MSRA: variants seen among roughly 807,000 people sequenced by gnomAD.
MSRA encodes methionine sulfoxide reductase A.
MSRA carries 54 observed loss-of-function variants against 31.3 expected under a neutral mutation model. The observed-to-expected ratio is 1.73, with a 90% CI of 1.39 to 2.17. The LOEUF (loss-of-function observed/expected upper bound fraction) is 2.17. Among genes scored for constraint, MSRA ranks in the 30% most tolerant of loss-of-function variants. The pLI is 0.00. For missense variants in MSRA, 507 were observed against 300.9 expected (o/e 1.69, Z -5.07); for synonymous variants, 169 against 116.5 (o/e 1.45, Z -2.90).
chr8:10,390,476 C>A (rs983192896), intron 5 of MSRA, among the ~76,000 whole-genome samples: 1 of 152,206 alleles, frequency 6.6e-6, no homozygotes, highest in Non-Finnish European at 1.5e-5. Context: ...CACTCCCACC[C>A]GTGTCCCCGC....
chr8:10,150,151 C>T (rs577678739), intron 1 of MSRA, among the ~76,000 whole-genome samples: 30 of 151,990 alleles, frequency 2.0e-4, no homozygotes, highest in East Asian at 1.6e-3. Flanking sequence ...AGGGGGTAAT[C>T]GGCAGTGAGG....
chr8:10,062,141 C>G (rs913829567), intron 1 of MSRA, among the ~76,000 whole-genome samples: 2 of 152,190 alleles, frequency 1.3e-5, no homozygotes, highest in African/African-American at 4.8e-5. Flanking sequence ...AGCCTCTTTG[C>G]TAAGCTTGGT....
intron 1 of MSRA, among the ~76,000 whole-genome samples, chr8:10,112,363 A>C (rs1476373090): frequency 6.6e-6 from 1 of 152,242 alleles, no homozygotes; most frequent in Non-Finnish European, 1.5e-5. Context: ...TTGGTAAATG[A>C]GATATAGAAG....
chr8:10,376,127 G>C (rs1204584635), intron 5 of MSRA, among the ~76,000 whole-genome samples: 1 of 152,144 alleles, frequency 6.6e-6, no homozygotes, highest in Non-Finnish European at 1.5e-5. Flanking sequence ...TCACATTTCT[G>C]ACAATCTGAG....
At chr8:10,184,509 G>A (rs867473029) in intron 1 of MSRA, among the ~76,000 whole-genome samples, 2 of 151,944 alleles carry the variant, frequency 1.3e-5, no homozygotes, top group Non-Finnish European at 2.9e-5. Flanking sequence ...GGATTAAATG[G>A]CTTGATTTAC....
intron 5 of MSRA, among the ~76,000 whole-genome samples, chr8:10,362,254 A>G (rs925230730): frequency 1.3e-5 from 2 of 152,108 alleles, no homozygotes; most frequent in African/African-American, 4.8e-5. Flanking sequence ...CTCAGGAAAT[A>G]TCGTCCTTAC....
chr8:10,349,847 G>A (rs1185111906), intron 5 of MSRA, among the ~76,000 whole-genome samples: 1 of 152,258 alleles, frequency 6.6e-6, no homozygotes, highest in East Asian at 1.9e-4. Context: ...AGTTCTGTCT[G>A]TGAGGCTCAC....
intron 1 of MSRA, among the ~76,000 whole-genome samples, chr8:10,173,107 G>A (rs1805743455): frequency 6.6e-6 from 1 of 152,158 alleles, no homozygotes; most frequent in Non-Finnish European, 1.5e-5. Flanking sequence ...CAGCAATCTG[G>A]GTCTTACAGC....
At chr8:10,116,742 C>T (rs1282486852) in intron 1 of MSRA, among the ~76,000 whole-genome samples, 1 of 152,002 alleles carries the variant, frequency 6.6e-6, no homozygotes, top group Admixed American at 6.6e-5. Flanking sequence ...CTGAGGCAGG[C>T]GGATCACCTG....
intron 1 of MSRA, among the ~76,000 whole-genome samples, chr8:10,153,743 C>T (rs1329857379): frequency 3.3e-5 from 5 of 152,104 alleles, no homozygotes; most frequent in Non-Finnish European, 7.3e-5. Flanking sequence ...TTCGCTATCA[C>T]GTTAAGAAAT....
At chr8:10,250,773 C>G (rs75324763) in intron 3 of MSRA, 1 of 324,876 alleles carries the variant, frequency 3.1e-6, no homozygotes, top group South Asian at 9.2e-5. Flanking sequence ...GTCCTGAGCC[C>G]GTTTCCTCTC....
At chr8:10,195,364 C>T (rs1051402967) in intron 1 of MSRA, among the ~76,000 whole-genome samples, 1 of 152,214 alleles carries the variant, frequency 6.6e-6, no homozygotes, top group Non-Finnish European at 1.5e-5. Context: ...CCTCAGCCTT[C>T]TGAGTAGCTG....
chr8:10,175,230 G>A (rs191444574), intron 1 of MSRA, among the ~76,000 whole-genome samples: 65 of 152,252 alleles, frequency 4.3e-4, no homozygotes, highest in African/African-American at 1.6e-3. Flanking sequence ...TTCCCAGCCT[G>A]TCTCGGTCAT....
At chr8:10,332,302 G>A (rs1251068970) in intron 5 of MSRA, among the ~76,000 whole-genome samples, 1 of 152,164 alleles carries the variant, frequency 6.6e-6, no homozygotes. Context: ...AATGTCAGTT[G>A]ATATGTTATG....
In MSRA at chr8:10,308,563, C is replaced by T. The variant is rs371826299; in HGVS notation, c.436+6925C>T. Among the ~76,000 whole-genome samples the T allele has an allele frequency of 2.6e-4, 39 of 152,314 alleles. 1 individual carries two copies. In the South Asian group the frequency reaches 4.1e-3, roughly 16 times the overall value. Reference sequence around the variant, plus strand: ...GGCTTAAAGCACTTTGCCGGTTGCCCGATTTCTTTGGGATGAGATCCGGAC... The same window carrying T: ...GGCTTAAAGCACTTTGCCGGTTGCCTGATTTCTTTGGGATGAGATCCGGAC... On this transcript the variant is annotated intron_variant, in intron 4 of 5. Coordinates refer to ENST00000317173, the MANE Select transcript of MSRA (RefSeq NM_012331.5).
chr8:10,345,087 G>C (rs1270915581), intron 5 of MSRA, among the ~76,000 whole-genome samples: 2 of 152,216 alleles, frequency 1.3e-5, no homozygotes, highest in East Asian at 3.9e-4. Context: ...GCCTGGCCTG[G>C]GTTGGCTCTA....
At chr8:10,197,841 T>C (rs1808129222) in intron 1 of MSRA, among the ~76,000 whole-genome samples, 1 of 152,090 alleles carries the variant, frequency 6.6e-6, no homozygotes. Context: ...ACAGCTTGAG[T>C]GTGCGTCACT....
chr8:10,099,211 A>C (rs1001414503), intron 1 of MSRA, among the ~76,000 whole-genome samples: 20 of 152,188 alleles, frequency 1.3e-4, no homozygotes, highest in African/African-American at 4.6e-4. Context: ...TGAAGAGGAG[A>C]TAAAAGTCAC....
chr8:10,212,787 C>G (rs531011471), intron 2 of MSRA, among the ~76,000 whole-genome samples: 1 of 152,000 alleles, frequency 6.6e-6, no homozygotes, highest in South Asian at 2.1e-4. Context: ...CCTTTAAAAC[C>G]CTTTGTTCTC....
Sources: gnomAD v4.1 joint callset for allele counts (sites outside exome capture counted in the v4.1 genomes callset) on GRCh38, gnomAD v4.1.1 for gene constraint, MANE v1.5 for transcripts, NCBI Gene and HGNC (gene_info 2026-07-23, HGNC 2026-07-21) for gene names.